SUCLA2: variants seen among roughly 807,000 people sequenced by gnomAD.
The protein encoded by SUCLA2 is succinate--CoA ligase [ADP-forming] subunit beta, mitochondrial.
SUCLA2 carries 30 observed loss-of-function variants against 54.8 expected under a neutral mutation model. That is an observed-to-expected ratio of 0.55 (90% CI 0.41 to 0.74). The LOEUF is 0.74. Ranked by LOEUF, SUCLA2 falls within the 30% of genes least tolerant of loss-of-function variation. The probability of loss-of-function intolerance (pLI) is 0.00; values close to 1 mark genes in which losing one functional copy is unlikely to be tolerated. For synonymous variants in SUCLA2, 172 were observed against 188.9 expected (o/e 0.91, Z 0.74); for missense variants, 476 against 562.9 (o/e 0.85, Z 1.56).
intron 6 of SUCLA2, among the ~76,000 whole-genome samples, chr13:47,957,690 C>G (rs922110747): frequency 3.3e-5 from 5 of 152,166 alleles, no homozygotes; most frequent in African/African-American, 1.2e-4. Flanking sequence ...GAGAGGGAAG[C>G]ACCCTAACTG....
At chr13:47,951,109 T>C (rs1166757112) in intron 8 of SUCLA2, among the ~76,000 whole-genome samples, 2 of 152,124 alleles carry the variant, frequency 1.3e-5, no homozygotes, top group African/African-American at 4.8e-5. Context: ...ATCTTTACTC[T>C]ACCAAGCCAC....
At chr13:47,955,199 G>GT (rs1380648167) in intron 6 of SUCLA2, among the ~76,000 whole-genome samples, 1 of 152,040 alleles carries the variant, frequency 6.6e-6, no homozygotes, top group Non-Finnish European at 1.5e-5. Flanking sequence ...GCCTGTGCTT[G>GT]TTTTTATTTT....
intron 4 of SUCLA2, among the ~76,000 whole-genome samples, chr13:47,986,407 A>C (rs1280949222): frequency 6.6e-6 from 1 of 151,986 alleles, no homozygotes; most frequent in South Asian, 2.1e-4. Context: ...TTTTCTTGAA[A>C]ATTTGTTTTA....
intron 4 of SUCLA2, among the ~76,000 whole-genome samples, chr13:47,986,070 G>A (rs924348762): frequency 7.8e-6 from 1 of 129,032 alleles, no homozygotes; most frequent in Admixed American, 9.9e-5. Context: ...TTACTCTGTC[G>A]CCCAGACGGG....
chr13:47,971,495 AC>A (rs1234686869), intron 5 of SUCLA2: 4 of 187,624 alleles, frequency 2.1e-5, no homozygotes, highest in African/African-American at 9.3e-5. Flanking sequence ...TAGCAGCATT[AC>A]AAATATTACC....
intron 8 of SUCLA2, 41 bp from the exon 9 acceptor site, chr13:47,949,644 A>G (rs774514796): frequency 1.9e-6 from 3 of 1,603,114 alleles, no homozygotes; most frequent in Admixed American, 1.7e-5. Flanking sequence ...TTTAAAAGAA[A>G]TTTAAGTTCT....
At chr13:47,994,110 T>C (rs1306507943) in intron 2 of SUCLA2, among the ~76,000 whole-genome samples, 1 of 152,044 alleles carries the variant, frequency 6.6e-6, no homozygotes, top group Non-Finnish European at 1.5e-5. Flanking sequence ...TTTATGAATT[T>C]TGCAGAAAGT....
At chr13:47,963,635 A>C (rs1375287819) in intron 6 of SUCLA2, among the ~76,000 whole-genome samples, 1 of 135,372 alleles carries the variant, frequency 7.4e-6, no homozygotes, top group Non-Finnish European at 1.6e-5. Context: ...ACAGAACGAG[A>C]CTCTGTCCCA....
chr13:47,993,182 T>C (rs1950162769), intron 2 of SUCLA2, among the ~76,000 whole-genome samples: 2 of 152,156 alleles, frequency 1.3e-5, no homozygotes, highest in East Asian at 1.9e-4. Flanking sequence ...CAATGAGCCA[T>C]GATCACACCA....
At chr13:47,949,719 G>T in intron 8 of SUCLA2, 116 bp from the exon 9 acceptor site, 2 of 1,069,424 alleles carry the variant, frequency 1.9e-6, no homozygotes, top group Non-Finnish European at 2.8e-6. Context: ...AAGATTTTCA[G>T]ACCAAACCAC....
At chr13:48,000,807 C>G (rs545224028) in intron 1 of SUCLA2, 2 of 1,055,754 alleles carry the variant, frequency 1.9e-6, no homozygotes, top group East Asian at 6.7e-5. Flanking sequence ...GGCATTCCCC[C>G]CTGCCCAAAA....
intron 10 of SUCLA2, among the ~76,000 whole-genome samples, chr13:47,945,182 G>C (rs2137682059): frequency 6.7e-6 from 1 of 149,916 alleles, no homozygotes; most frequent in South Asian, 2.1e-4. Flanking sequence ...CTGGGAGATG[G>C]AGGTTGCAGT....
chr13:47,972,954 A>G (rs1350446259), intron 5 of SUCLA2, among the ~76,000 whole-genome samples: 5 of 151,462 alleles, frequency 3.3e-5, no homozygotes, highest in Admixed American at 6.6e-5. Flanking sequence ...GTTTCACCAT[A>G]TTGGCCAGGC....
intron 6 of SUCLA2, among the ~76,000 whole-genome samples, chr13:47,968,378 GTTTGT>G (rs914886026): frequency 3.3e-5 from 5 of 152,090 alleles, no homozygotes; most frequent in Non-Finnish European, 7.4e-5. Flanking sequence ...TCTATAAGGT[GTTTGT>G]TTTATTTTTT....
chr13:47,968,585 G>A lies in SUCLA2; in HGVS notation c.802+10C>T. 6.2e-7 allele frequency: 1 copy of A among 1,611,218 alleles called. No individual in the cohort carries two copies. The highest frequency in any genetic ancestry group is 8.5e-7 in the Non-Finnish European group (1 of 1,179,560). On this transcript the variant is annotated intron_variant, in intron 6 of 10. Transcript: ENST00000646932. ...TGCATAATCATGTTAGACAAAAGAA[G>A]ATACTTTACCAGCTCCATCTGAATC...
chr13:47,990,611 G>A (rs55633570), intron 2 of SUCLA2, among the ~76,000 whole-genome samples: 59,833 of 151,920 alleles, frequency 0.39, 14,548 homozygotes, highest in East Asian at 0.55. Context: ...TTGAGATCAG[G>A]GCTAAAGGTC....
intron 8 of SUCLA2, among the ~76,000 whole-genome samples, chr13:47,949,985 T>C (rs1277750722): frequency 6.6e-6 from 1 of 152,228 alleles, no homozygotes; most frequent in Non-Finnish European, 1.5e-5. Flanking sequence ...ACCTATCATT[T>C]CCTCATTTAT....
intron 2 of SUCLA2, among the ~76,000 whole-genome samples, chr13:47,989,286 C>G (rs1277313119): frequency 6.6e-6 from 1 of 151,432 alleles, no homozygotes; most frequent in East Asian, 1.9e-4. Context: ...TCTCGGCTCA[C>G]TGTAAGCTCC....
chr13:47,964,365 A>T (rs1345936869), intron 6 of SUCLA2, among the ~76,000 whole-genome samples: 1 of 152,226 alleles, frequency 6.6e-6, no homozygotes, highest in Non-Finnish European at 1.5e-5. Flanking sequence ...GTGTTGATGG[A>T]ACAGTCTGTA....
Sources: gnomAD v4.1 joint callset for allele counts (sites outside exome capture counted in the v4.1 genomes callset) on GRCh38, gnomAD v4.1.1 for gene constraint, MANE v1.5 for transcripts, NCBI Gene and HGNC (gene_info 2026-07-23, HGNC 2026-07-21) for gene names.